MYH9: variants seen among roughly 807,000 people sequenced by gnomAD.
MYH9 encodes the protein myosin heavy chain 9, also known as myosin-9.
Under a neutral mutation model 241.9 loss-of-function variants are expected in MYH9, and 29 were observed. The observed-to-expected ratio is 0.12, with a 90% CI of 0.09 to 0.16. The LOEUF (loss-of-function observed/expected upper bound fraction) is 0.16, where lower values mean the gene tolerates loss of function less well. Ranked by LOEUF, MYH9 falls within the 10% of genes least tolerant of loss-of-function variation. The probability of loss-of-function intolerance (pLI) is 1.00; values close to 1 mark genes in which losing one functional copy is unlikely to be tolerated. For missense variants in MYH9, 1,803 were observed against 2,595.5 expected (o/e 0.69, Z 6.63); for synonymous variants, 1,047 against 1,062.6 (o/e 0.99, Z 0.29).
Position 36,307,940 on chromosome 22 carries a change from T to C in MYH9, c.1844-1333A>G, listed in dbSNP as rs114790264. 8.1e-3 allele frequency among the ~76,000 whole-genome samples: 1,214 copies of C among 150,094 alleles called. 23 individuals are homozygous for C. The highest frequency in any genetic ancestry group is 0.027 in the African/African-American group (1,095 of 40,820). ...TTGACCTTATGTACCCACCACAGGG[T>C]CAATATTCCTGGCTACCACAGGTTT... On this transcript the variant is annotated intron_variant, in intron 15 of 40. Transcript: ENST00000216181.
intron 4 of MYH9, among the ~76,000 whole-genome samples, chr22:36,326,880 A>T (rs1003988243): frequency 6.6e-6 from 1 of 152,188 alleles, no homozygotes; most frequent in African/African-American, 2.4e-5. Context: ...ACTGAAATCC[A>T]CTGCCTGTCC....
chr22:36,363,012 G>A (rs959465008), intron 1 of MYH9, among the ~76,000 whole-genome samples: 2 of 152,068 alleles, frequency 1.3e-5, no homozygotes, highest in Admixed American at 6.5e-5. Context: ...AGTCACTAGA[G>A]CACACTCCCC....
intron 2 of MYH9, among the ~76,000 whole-genome samples, chr22:36,342,745 C>A (rs1203942538): frequency 6.6e-6 from 1 of 152,166 alleles, no homozygotes; most frequent in East Asian, 1.9e-4. Flanking sequence ...GACCCAAGTA[C>A]CCTCTTCCTA....
intron 28 of MYH9, 64 bp downstream of exon 28, chr22:36,294,028 G>T: frequency 6.4e-7 from 1 of 1,572,084 alleles, no homozygotes; most frequent in Non-Finnish European, 8.7e-7. Flanking sequence ...ATGCACCTGG[G>T]GACCTGGGCC....
In MYH9 at chr22:36,306,785, G is replaced by A. The variant is rs151227237; in HGVS notation, c.1844-178C>T. The stretch of plus-strand genomic sequence containing the variant: ...TGCTAAGGTCATCCCCAAACACAGC[G>A]GGAAGCCAAGGGGGATGCAAAGGCA... On this transcript the variant is annotated intron_variant, in intron 15 of 40. Transcript: ENST00000216181. This position sits in a 1 kb window ranked among gnomAD's most constrained non-coding sequence, Gnocchi z 4.1. Among the ~76,000 whole-genome samples, 279 of 152,326 alleles carry A rather than the reference G, an allele frequency of 1.8e-3. 2 individuals are homozygous for A. Among genetic ancestry groups the A allele is most frequent in the Middle Eastern group, 6.8e-3 (2 of 294 alleles).
intron 2 of MYH9, among the ~76,000 whole-genome samples, chr22:36,346,209 T>G (rs1262113985): frequency 1.3e-5 from 2 of 151,462 alleles, no homozygotes; most frequent in South Asian, 2.1e-4. Flanking sequence ...CATATCTACT[T>G]GTTGATAGGT....
chr22:36,385,242 C>T (rs906259816), intron 1 of MYH9, among the ~76,000 whole-genome samples: 2 of 151,274 alleles, frequency 1.3e-5, no homozygotes, highest in Non-Finnish European at 2.9e-5. Context: ...GGGCCAGGCT[C>T]AGAGGAAAAC....
chr22:36,284,322 A>G (rs1414581227), intron 39 of MYH9, 57 bp from the exon 40 acceptor site: 2 of 1,604,248 alleles, frequency 1.2e-6, no homozygotes, highest in African/African-American at 2.7e-5. Context: ...GCGTGCAGCC[A>G]GTCAGCCCCA....
intron 31 of MYH9, 46 bp from the exon 32 acceptor site, chr22:36,289,343 G>A: frequency 6.5e-7 from 1 of 1,544,398 alleles, no homozygotes; most frequent in East Asian, 2.4e-5. Context: ...ACGGCCCCCA[G>A]CAGGGCAGGG....
intron 7 of MYH9, among the ~76,000 whole-genome samples, 183 bp from the exon 8 acceptor site, chr22:36,321,079 A>T (rs1369121020): frequency 6.6e-6 from 1 of 151,970 alleles, no homozygotes; most frequent in Non-Finnish European, 1.5e-5. Flanking sequence ...CAGCCTCCCA[A>T]GTAGCTGGGA....
chr22:36,308,146 G>T (rs759640601), intron 15 of MYH9, among the ~76,000 whole-genome samples: 3 of 152,158 alleles, frequency 2.0e-5, no homozygotes, highest in Non-Finnish European at 4.4e-5. Context: ...CACAGACACA[G>T]CAGTGTGCAT....
chr22:36,348,846 C>T lies in MYH9; in HGVS notation c.333+58G>A, dbSNP rs929542514. On this transcript the variant is annotated intron_variant, in intron 2 of 40. Transcript: ENST00000216181. ...TGAGGGTGATGGGAAGACCCGCCCCCCCCCCCCACCTCGGAGCCCTCAGAC... is the reference window on the plus strand; with the variant it reads ...TGAGGGTGATGGGAAGACCCGCCCCTCCCCCCCACCTCGGAGCCCTCAGAC... 5.6e-5 allele frequency: 49 copies of T among 881,230 alleles called. 3 individuals carry two copies. Among genetic ancestry groups the T allele is most frequent in the Non-Finnish European group, 7.0e-5 (41 of 585,332 alleles). 54.6% of individuals were successfully genotyped at this position (881,230 alleles called of 1,614,324 possible).
intron 19 of MYH9, 144 bp downstream of exon 19, chr22:36,303,851 A>T: frequency 1.3e-6 from 1 of 766,964 alleles, no homozygotes; most frequent in Non-Finnish European, 2.1e-6. Flanking sequence ...GTAGAAATCC[A>T]GGAACAGGGG....
At chr22:36,373,796 A>G (rs575443819) in intron 1 of MYH9, among the ~76,000 whole-genome samples, 1 of 152,350 alleles carries the variant, frequency 6.6e-6, no homozygotes, top group East Asian at 1.9e-4. Context: ...TTCTGGCAAC[A>G]TGAAAAATGG....
rs759100740 is a variant in MYH9 at position 36,285,366 on chromosome 22, G to A, written c.5275-37C>T. On this transcript the variant is annotated intron_variant, in intron 37 of 40. Transcript: ENST00000216181. The surrounding 1 kb of genome is among the most constrained non-coding windows in gnomAD (Gnocchi z 7.0). ...GGGCCAGTGACCTTGGGGAGGGCTG[G>A]GGCCCTGGCTGGAGGGCATGAGCAG... is the stretch of plus-strand genomic sequence containing the variant. 4 of 1,595,726 alleles carry A rather than the reference G, an allele frequency of 2.5e-6. No homozygotes were observed. In the South Asian group the frequency reaches 4.4e-5, roughly 18 times the overall value.
chr22:36,312,272 C>T (rs200106173), intron 13 of MYH9, 50 bp from the exon 14 acceptor site: 7 of 1,598,396 alleles, frequency 4.4e-6, no homozygotes, highest in Non-Finnish European at 5.1e-6. Flanking sequence ...GGGAGGGGCA[C>T]CCCACCCTTC....
At chr22:36,297,688 A>G (rs2016809850) in intron 24 of MYH9, among the ~76,000 whole-genome samples, 2 of 152,214 alleles carry the variant, frequency 1.3e-5, no homozygotes, top group Non-Finnish European at 2.9e-5. Context: ...ATGAGAATAC[A>G]CCACAACTTA....
Position 36,330,489 on chromosome 22 carries a change from T to C in MYH9, c.491-3001A>G, listed in dbSNP as rs1317072324. ...TGTACAAAGCAGGTATTATCATCAT[T>C]GTTTTGCCATCTTTCCACACAGCGG... On this transcript the variant is annotated intron_variant, in intron 3 of 40. Transcript: ENST00000216181. This position sits in a 1 kb window ranked among gnomAD's most constrained non-coding sequence, Gnocchi z 4.5. Among the ~76,000 whole-genome samples, 2 of 152,200 alleles carry C rather than the reference T, an allele frequency of 1.3e-5. No homozygotes were observed. Among genetic ancestry groups the C allele is most frequent in the Admixed American group, 1.3e-4 (2 of 15,286 alleles).
Position 36,299,255 on chromosome 22 carries a change from A to AT in MYH9, c.2977-214dup, listed in dbSNP as rs138393082. On this transcript the variant is annotated intron_variant, in intron 23 of 40. Transcript: ENST00000216181. ...AGGTACGCTTCCTTAGAACCAAAAA[A>AT]TGTGGGTGCCCAAGCCCTTCCCCTT... Among the ~76,000 whole-genome samples, 2,712 of 152,278 alleles carry AT rather than the reference A, an allele frequency of 0.018. 88 individuals carry two copies. Among genetic ancestry groups the AT allele is most frequent in the African/African-American group, 0.062 (2,565 of 41,554 alleles).
Sources: gnomAD v4.1 joint callset for allele counts (sites outside exome capture counted in the v4.1 genomes callset) on GRCh38, gnomAD v4.1.1 for gene constraint, Gnocchi (gnomAD v3.1) non-coding constraint, MANE v1.5 for transcripts, NCBI Gene and HGNC (gene_info 2026-07-23, HGNC 2026-07-21) for gene names.